ARPP21: variants seen among roughly 807,000 people sequenced by gnomAD.
The protein encoded by ARPP21 is cAMP regulated phosphoprotein 21.
Under a neutral mutation model 113.2 loss-of-function variants are expected in ARPP21, and 69 were observed. The observed-to-expected ratio is 0.61, with a 90% CI of 0.50 to 0.74. ARPP21 has a LOEUF of 0.74. Ranked by LOEUF, ARPP21 falls within the 30% of genes least tolerant of loss-of-function variation. The pLI, the probability that ARPP21 is intolerant of heterozygous loss-of-function variation, is 0.00. For missense variants in ARPP21, 1,070 were observed against 1,037.4 expected, an observed-to-expected ratio of 1.03 and a Z score of -0.43; for synonymous variants, 368 against 375.5, an observed-to-expected ratio of 0.98 and a Z score of 0.23.
intron 11 of ARPP21, among the ~76,000 whole-genome samples, chr3:35,711,174 C>T (rs1226140231): frequency 6.6e-6 from 1 of 152,086 alleles, no homozygotes; most frequent in Non-Finnish European, 1.5e-5. Flanking sequence ...AGTGGAGGAC[C>T]AGCCTGTTTC....
intron 19 of ARPP21, chr3:35,775,006 C>T (rs1399670492): frequency 2.6e-5 from 4 of 152,022 alleles, no homozygotes; most frequent in Non-Finnish European, 4.4e-5. Flanking sequence ...GGAGTTTCTG[C>T]TGTTAAAGAT....
intron 20 of ARPP21, 101 bp from the exon 21 acceptor site, chr3:35,793,600 T>C (rs922911317): frequency 6.3e-6 from 5 of 796,698 alleles, no homozygotes; most frequent in Admixed American, 5.9e-5. Flanking sequence ...ACCTGTTAGG[T>C]CTAACTCAAA....
At chr3:35,684,474 C>T (rs371748103) in intron 5 of ARPP21, 3 of 983,726 alleles carry the variant, frequency 3.0e-6, no homozygotes, top group African/African-American at 3.5e-5. Flanking sequence ...TATTTCATGA[C>T]AAAATGGGAA....
chr3:35,702,999 A>G (rs1005042106), intron 9 of ARPP21, among the ~76,000 whole-genome samples: 1 of 151,750 alleles, frequency 6.6e-6, no homozygotes, highest in Non-Finnish European at 1.5e-5. Context: ...GTGCATAGAA[A>G]CTTTTAATTT....
At chr3:35,668,021 A>G (rs368830013) in intron 1 of ARPP21, among the ~76,000 whole-genome samples, 42 of 134,872 alleles carry the variant, frequency 3.1e-4, no homozygotes, top group African/African-American at 8.2e-4. Context: ...GAAGAAGAAG[A>G]AGAAGAAGAA....
At chr3:35,654,352 G>A (rs372545964) in intron 1 of ARPP21, among the ~76,000 whole-genome samples, 1 of 151,802 alleles carries the variant, frequency 6.6e-6, no homozygotes, top group African/African-American at 2.4e-5. Flanking sequence ...CTTCAAATAC[G>A]TGCTCTAAGA....
chr3:35,678,774 A>G (rs2149422681), intron 1 of ARPP21: 1 of 152,100 alleles, frequency 6.6e-6, no homozygotes, highest in Admixed American at 6.6e-5. Flanking sequence ...GAGGGTAGCA[A>G]GGAGGAGGGA....
chr3:35,729,351 C>T lies in ARPP21; in HGVS notation c.1274C>T (p.Thr425Ile). Residue 425 changes from threonine (T) to isoleucine (I), a missense_variant, in exon 15 of 21, where the codon ACC becomes ATC. Physicochemically the swap from Thr to Ile is moderately conservative, Grantham distance 89 (BLOSUM62 -1). Coordinates refer to ENST00000684406, the MANE Select transcript of ARPP21 (RefSeq NM_001385562.1). The part of the protein sequence containing the change: ...SAGSSGSLSR[T>I]HPPLQSTPLV... Reference sequence around the variant, plus strand: ...GGCTCCTCAGGATCGCTGTCCCGCACCCATCCACCTCTCCAGAGCACACCC... The same window carrying T: ...GGCTCCTCAGGATCGCTGTCCCGCATCCATCCACCTCTCCAGAGCACACCC... The T allele has an allele frequency of 6.2e-7, 1 of 1,614,166 alleles. No homozygotes were observed. The highest frequency in any genetic ancestry group is 1.1e-5 in the South Asian group (1 of 91,078).
chr3:35,738,904 T>C (rs951051486), intron 17 of ARPP21, among the ~76,000 whole-genome samples: 1 of 152,144 alleles, frequency 6.6e-6, no homozygotes, highest in African/African-American at 2.4e-5. Context: ...GCACTGGGGA[T>C]GATGAGTATA....
intron 15 of ARPP21, among the ~76,000 whole-genome samples, chr3:35,734,924 T>C (rs2094245079): frequency 6.6e-6 from 1 of 152,198 alleles, no homozygotes; most frequent in Admixed American, 6.5e-5. Flanking sequence ...CTAGAGTATA[T>C]CTAGTCTTCC....
chr3:35,670,735 G>T (rs943748216), intron 1 of ARPP21, among the ~76,000 whole-genome samples: 1 of 152,084 alleles, frequency 6.6e-6, no homozygotes, highest in Non-Finnish European at 1.5e-5. Flanking sequence ...TGAAAAAAAA[G>T]AAAAACACGC....
At chr3:35,751,956 C>G (rs1298584412) in intron 19 of ARPP21, among the ~76,000 whole-genome samples, 1 of 152,054 alleles carries the variant, frequency 6.6e-6, no homozygotes, top group Non-Finnish European at 1.5e-5. Context: ...TTTGGAAATA[C>G]GTCATTACCT....
chr3:35,644,280 T>G (rs1699324377), intron 1 of ARPP21, among the ~76,000 whole-genome samples: 1 of 151,934 alleles, frequency 6.6e-6, no homozygotes, highest in South Asian at 2.1e-4. Context: ...GTCTTATAAT[T>G]TAATTAATTT....
chr3:35,747,290 G>A (rs2095120723), intron 19 of ARPP21, among the ~76,000 whole-genome samples: 1 of 151,368 alleles, frequency 6.6e-6, no homozygotes, highest in Non-Finnish European at 1.5e-5. Flanking sequence ...GGGAGGTGGA[G>A]GTGGCAGTGA....
rs2075763801 is a variant in ARPP21, at chr3:35,669,419, T to TTCTG, written c.-212-10366_-212-10365insTGTC. On this transcript the variant is annotated intron_variant, in intron 1 of 20. Transcript: ENST00000684406. ...TATATTACATAAGATTGACAGATAG[T>TTCTG]TCATTTCTGTGATATATCAAATTGT... is the stretch of plus-strand genomic sequence containing the variant. Among the ~76,000 whole-genome samples, 3 of 152,308 alleles carry TTCTG rather than the reference T, an allele frequency of 2.0e-5. No individual in the cohort carries two copies. In the South Asian group the frequency reaches 6.2e-4, roughly 32 times the overall value.
chr3:35,743,917 T>C lies in ARPP21; in HGVS notation c.2089T>C (p.Tyr697His). 6.2e-7 allele frequency: 1 copy of C among 1,614,114 alleles called. No individual in the cohort carries two copies. The change falls in exon 19 of 21, where the codon TAC (tyrosine) becomes CAC (histidine). Residue 697 changes from tyrosine to histidine, a missense_variant. Tyr to His is a moderately conservative substitution (Grantham distance 83). Transcript: ENST00000684406. ...GTACCGGCCCATGGCCCCGGTTCAG[T>C]ACAACGCTCAGAGGAGTCAACAGAT... ...QQYRPMAPVQ[Y>H]NAQRSQQMPQ... is the part of the protein sequence containing the mutation.
chr3:35,707,677 A>C (rs1369859775), intron 10 of ARPP21: 2 of 394,176 alleles, frequency 5.1e-6, no homozygotes, highest in African/African-American at 4.1e-5. Flanking sequence ...TTTTGCATGA[A>C]GTGTAGCAGA....
intron 1 of ARPP21, chr3:35,642,499 T>A (rs1403217003): frequency 6.6e-6 from 1 of 152,196 alleles, no homozygotes; most frequent in African/African-American, 2.4e-5. Flanking sequence ...GAATTATACA[T>A]GAATAGTTCA....
intron 15 of ARPP21, among the ~76,000 whole-genome samples, chr3:35,731,849 C>G (rs369205691): frequency 6.6e-6 from 1 of 152,234 alleles, no homozygotes; most frequent in South Asian, 2.1e-4. Flanking sequence ...GTGTTAGGAA[C>G]CAAGATTGTA....
Sources: gnomAD v4.1 joint callset for allele counts (sites outside exome capture counted in the v4.1 genomes callset) on GRCh38, gnomAD v4.1.1 for gene constraint, MANE v1.5 for transcripts, NCBI Gene and HGNC (gene_info 2026-07-23, HGNC 2026-07-21) for gene names.